KIAA1328: variants seen among roughly 807,000 people sequenced by gnomAD.
The protein encoded by KIAA1328 is protein hinderin.
Under a neutral mutation model 68.1 loss-of-function variants are expected in KIAA1328, and 52 were observed. The ratio of observed to expected loss-of-function variants is 0.76; its 90% CI spans 0.61 to 0.96. The LOEUF (loss-of-function observed/expected upper bound fraction) is 0.96. Among genes scored for constraint, KIAA1328 ranks in the 40% least tolerant of loss-of-function variants. KIAA1328 has a pLI of 0.00. For missense variants in KIAA1328, 641 were observed against 677.6 expected (o/e 0.95, Z 0.60); for synonymous variants, 232 against 239.4 (o/e 0.97, Z 0.28).
chr18:36,944,893 C>A (rs547436455), intron 5 of KIAA1328, among the ~76,000 whole-genome samples: 2 of 152,034 alleles, frequency 1.3e-5, no homozygotes, highest in Admixed American at 6.5e-5. Context: ...ACATATAGGG[C>A]CAAAAAGTAA....
chr18:37,218,889 G>A (rs2060500206), intron 9 of KIAA1328, among the ~76,000 whole-genome samples: 1 of 152,188 alleles, frequency 6.6e-6, no homozygotes, highest in South Asian at 2.1e-4. Context: ...TGGAGAAGAG[G>A]CACTCTGGTT....
intron 6 of KIAA1328, among the ~76,000 whole-genome samples, chr18:36,986,356 C>T (rs186429243): frequency 2.0e-5 from 3 of 151,720 alleles, no homozygotes; most frequent in Middle Eastern, 3.4e-3. Flanking sequence ...AAGATTTAAA[C>T]GTTAGACCTA....
chr18:36,829,238 C>T (rs964795100), intron 1 of KIAA1328, 42 bp downstream of exon 1: 2 of 1,483,378 alleles, frequency 1.3e-6, no homozygotes, highest in East Asian at 2.9e-5. Context: ...GCGCCCTCCA[C>T]GGGACGGCGA....
At chr18:36,886,076 G>C (rs185453096) in intron 5 of KIAA1328, 97 of 174,066 alleles carry the variant, frequency 5.6e-4, no homozygotes, top group African/African-American at 2.2e-3. Context: ...GTTCTAATTT[G>C]TAACAGGGAG....
intron 5 of KIAA1328, among the ~76,000 whole-genome samples, chr18:36,940,305 G>A (rs758740600): frequency 2.2e-4 from 33 of 152,148 alleles, no homozygotes; most frequent in Non-Finnish European, 4.0e-4. Flanking sequence ...TCTAGAGTGC[G>A]GCTCAGGATT....
At chr18:36,992,451 C>CTTTTTTTTTTTTTTTTTT (rs71168252) in intron 6 of KIAA1328, among the ~76,000 whole-genome samples, 1 of 130,100 alleles carries the variant, frequency 7.7e-6, no homozygotes, top group Non-Finnish European at 1.6e-5. Context: ...TCTTTTCTTT[C>CTTTTTTTTTTTTTTTTTT]TTTTTTTTTT....
intron 6 of KIAA1328, among the ~76,000 whole-genome samples, chr18:37,065,012 AT>A (rs1280624127): frequency 6.6e-6 from 1 of 152,208 alleles, no homozygotes; most frequent in African/African-American, 2.4e-5. Flanking sequence ...TAGGAAACTA[AT>A]ACAGTAGTTG....
chr18:36,834,477 C>T (rs1247071073), intron 2 of KIAA1328, 122 bp downstream of exon 2: 2 of 794,392 alleles, frequency 2.5e-6, no homozygotes, highest in Middle Eastern at 2.5e-4. Context: ...TACATCAAAA[C>T]CTAAAATTTG....
In KIAA1328 at chr18:37,039,411, T is replaced by C. The variant is rs80088343; in HGVS notation, c.577-27479T>C. The stretch of plus-strand genomic sequence containing the variant: ...TTGAGGTTCTGTTAGGTTTTGTTTT[T>C]GTTTTTAATTTTTTTTTTTTGAGGC... On this transcript the variant is annotated intron_variant, in intron 6 of 9. Transcript: ENST00000280020. 3.5e-3 allele frequency among the ~76,000 whole-genome samples: 395 copies of C among 113,870 alleles called. 13 individuals are homozygous for C. In the East Asian group the frequency reaches 0.098, roughly 28 times the overall value. 74.7% of individuals were successfully genotyped at this position (113,870 alleles called of 152,430 possible).
intron 6 of KIAA1328, among the ~76,000 whole-genome samples, chr18:37,056,514 G>A (rs777222791): frequency 1.2e-4 from 18 of 151,672 alleles, no homozygotes; most frequent in Non-Finnish European, 2.4e-4. Context: ...CAATTCTGTC[G>A]TAAACCAAAG....
intron 7 of KIAA1328, among the ~76,000 whole-genome samples, chr18:37,107,069 C>T (rs1466504105): frequency 1.3e-5 from 2 of 152,062 alleles, no homozygotes; most frequent in Admixed American, 6.6e-5. Context: ...CATGGTGAAA[C>T]CCCATCTCTA....
chr18:36,835,635 CTACATTCTGA>C (rs1278316621), intron 3 of KIAA1328, among the ~76,000 whole-genome samples: 1 of 152,138 alleles, frequency 6.6e-6, no homozygotes, highest in Non-Finnish European at 1.5e-5. Flanking sequence ...CTCAAAAGAA[CTACATTCTGA>C]TCTGTGTGGC....
intron 6 of KIAA1328, among the ~76,000 whole-genome samples, chr18:36,974,192 G>A (rs1219151726): frequency 6.6e-6 from 1 of 152,008 alleles, no homozygotes; most frequent in African/African-American, 2.4e-5. Flanking sequence ...AAATTTTAGG[G>A]GTATGAGTAT....
chr18:36,863,471 T>C (rs2047637250), intron 4 of KIAA1328, among the ~76,000 whole-genome samples: 1 of 152,178 alleles, frequency 6.6e-6, no homozygotes, highest in Non-Finnish European at 1.5e-5. Context: ...CCTACTCTAT[T>C]CTTTTTCAAA....
At chr18:36,905,676 A>G (rs183448251) in intron 5 of KIAA1328, among the ~76,000 whole-genome samples, 31 of 152,224 alleles carry the variant, frequency 2.0e-4, no homozygotes, top group African/African-American at 7.5e-4. Flanking sequence ...TCTACTGACC[A>G]CCTTCCTTTT....
chr18:36,864,150 T>C (rs2047661673), intron 4 of KIAA1328, among the ~76,000 whole-genome samples: 1 of 152,220 alleles, frequency 6.6e-6, no homozygotes, highest in Non-Finnish European at 1.5e-5. Context: ...ATTTTTATTA[T>C]GATTGCATGC....
chr18:36,900,140 T>C (rs2048990345), intron 5 of KIAA1328, among the ~76,000 whole-genome samples: 1 of 151,896 alleles, frequency 6.6e-6, no homozygotes, highest in African/African-American at 2.4e-5. Flanking sequence ...GCCAAATATA[T>C]GTTAGTAAAA....
At chr18:37,072,126 T>G (rs974895615) in intron 7 of KIAA1328, among the ~76,000 whole-genome samples, 1 of 152,202 alleles carries the variant, frequency 6.6e-6, no homozygotes, top group African/African-American at 2.4e-5. Context: ...TCTTCCTTTC[T>G]GATGTTCCAA....
In KIAA1328 at chr18:37,222,847, T is replaced by G. The variant is rs1599640397; in HGVS notation, c.*620T>G. 1.0e-6 allele frequency: 1 copy of G among 989,396 alleles called. No homozygotes were observed. 61.3% of individuals were successfully genotyped at this position (989,396 alleles called of 1,614,324 possible). A position where few individuals can be genotyped will look rare whatever the true frequency, so the allele number is the denominator to read the frequency against. ...CCCATAACCAAAGAGCTCAATGGGCTGGAGGGTGAGACCCAGCCAATCCTT... is the reference window on the plus strand; with the variant it reads ...CCCATAACCAAAGAGCTCAATGGGCGGGAGGGTGAGACCCAGCCAATCCTT... On this transcript the variant is annotated 3_prime_UTR_variant, in exon 10 of 10. Transcript: ENST00000280020.
Sources: allele counts gnomAD v4.1 joint callset (sites outside exome capture counted in the v4.1 genomes callset), GRCh38; gene constraint gnomAD v4.1.1; transcripts MANE v1.5; gene names NCBI Gene and HGNC (gene_info 2026-07-23, HGNC 2026-07-21).